The following ZBTB11 variants were observed in gnomAD, a reference collection of about 807,000 sequenced individuals.
The protein encoded by ZBTB11 is zinc finger and BTB domain containing 11, also known as zinc finger and BTB domain-containing protein 11.
In ZBTB11, 68 loss-of-function variants were observed where a neutral mutation model predicts 113.1. The observed-to-expected ratio is 0.60, with a 90% CI of 0.49 to 0.74. The LOEUF is 0.74. ZBTB11 is among the 30% of genes least tolerant of loss of function. The pLI is 0.00. For synonymous variants in ZBTB11, 518 were observed against 452.6 expected, an observed-to-expected ratio of 1.14 and a Z score of -1.83; for missense variants, 1,104 against 1,279.4, an observed-to-expected ratio of 0.86 and a Z score of 2.09.
In ZBTB11 at chr3:101,671,967, G is replaced by A. The variant is rs374771199; in HGVS notation, c.546+11C>T. 3 of 1,600,714 alleles carry A rather than the reference G, an allele frequency of 1.9e-6. No homozygotes were observed. The highest frequency in any genetic ancestry group is 3.3e-4 in the Middle Eastern group (2 of 6,052). On this transcript the variant is annotated intron_variant, in intron 2 of 10. Coordinates refer to ENST00000312938, the MANE Select transcript of ZBTB11 (RefSeq NM_014415.4). ...TACAAATCTTAAAGCTGACTGGAGA[G>A]TACCACTTACAAACACAAGTTCATG...
Position 101,651,516 on chromosome 3 carries a change from T to C in ZBTB11, c.2812A>G (p.Arg938Gly). The C allele has an allele frequency of 9.9e-6, 16 of 1,614,216 alleles. No individual in the cohort carries two copies. Among genetic ancestry groups the C allele is most frequent in the Non-Finnish European group, 1.3e-5 (15 of 1,180,038 alleles). The change falls in exon 11 of 11, where the codon AGA (arginine) becomes GGA (glycine). Residue 938 changes from arginine to glycine, a missense_variant. Physicochemically the swap from Arg to Gly is moderately radical, Grantham distance 125. Transcript: ENST00000312938. Reference sequence around the variant, plus strand: ...ATAATTTTGCAAGGCACATAGTCTCTGTGGAATTTAGTCATATGTTTACGG... The same window carrying C: ...ATAATTTTGCAAGGCACATAGTCTCCGTGGAATTTAGTCATATGTTTACGG... ...TLRKHMTKFH[R>G]DYVPCKIMLE...
At chr3:101,652,400 C>T (rs540220450) in intron 10 of ZBTB11, 96 bp downstream of exon 10, 2 of 1,265,706 alleles carry the variant, frequency 1.6e-6, no homozygotes, top group South Asian at 1.6e-5. Flanking sequence ...TGAAATTAAC[C>T]TTTTACCAAG....
chr3:101,664,337 CGGTATCAAGAGGAAGCAGA>C (rs1936943054), intron 5 of ZBTB11, among the ~76,000 whole-genome samples, 182 bp downstream of exon 5: 1 of 152,094 alleles, frequency 6.6e-6, no homozygotes, highest in Non-Finnish European at 1.5e-5. Context: ...TGTCTTACTA[CGGTATCAAGAGGAAGCAGA>C]GATAAGGCTA....
Position 101,671,300 on chromosome 3 carries a change from T to C in ZBTB11, c.608A>G (p.Gln203Arg), listed in dbSNP as rs752283318. The C allele has an allele frequency of 5.0e-6, 8 of 1,614,090 alleles. No homozygotes were observed. The Admixed American group carries it at 5.0e-5, about 10-fold the overall frequency. ...SPKHCQAVLKQLNEQRLSNQF... is the reference protein window; with the variant it reads ...SPKHCQAVLKRLNEQRLSNQF... ...GTTGGAAAGTCTCTGTTCGTTCAGC[T>C]GTTTTAAGACAGCCTGACAATGTTT... The change falls in exon 3 of 11, where the codon CAG (glutamine) becomes CGG (arginine). Residue 203 changes from glutamine to arginine, a missense_variant. By Grantham distance (43) the Gln-to-Arg change is conservative (BLOSUM62 1). Around this residue, in one of 5 missense-constraint regions of ZBTB11, gnomAD observed 245 missense variants for 272.5 expected, o/e 0.90. Transcript: ENST00000312938.
chr3:101,658,227 ATTTTTTT>A (rs200382292), intron 6 of ZBTB11, among the ~76,000 whole-genome samples: 3 of 143,402 alleles, frequency 2.1e-5, no homozygotes, highest in Non-Finnish European at 4.6e-5. Context: ...TTAAAAATTA[ATTTTTTT>A]TTTTTTTTTG....
chr3:101,676,500 G>A lies in ZBTB11; in HGVS notation c.310+105C>T, dbSNP rs1006283783. On this transcript the variant is annotated intron_variant, in intron 1 of 10. Transcript: ENST00000312938. The stretch of plus-strand genomic sequence containing the variant: ...CCTGGCAGCAGCTCCGCCGCCCAGA[G>A]GCGTCCGAGACCCTCCGACTCGTGG... The A allele has an allele frequency of 9.1e-6, 11 of 1,212,932 alleles. No individual in the cohort carries two copies. In the African/African-American group the frequency reaches 1.1e-4, roughly 12 times the overall value. The allele number at this position is 1,212,932 out of a possible 1,614,324, so 75.1% of individuals were successfully genotyped here.
intron 1 of ZBTB11, among the ~76,000 whole-genome samples, chr3:101,674,620 A>C (rs1937133085): frequency 6.6e-6 from 1 of 150,640 alleles, no homozygotes; most frequent in Non-Finnish European, 1.5e-5. Context: ...GAATCGCTTG[A>C]ACCCGGGAGG....
chr3:101,671,075 C>T (rs1457248963), intron 3 of ZBTB11, 55 bp downstream of exon 3: 1 of 1,435,598 alleles, frequency 7.0e-7, no homozygotes, highest in Non-Finnish European at 9.7e-7. Flanking sequence ...ATACATATCC[C>T]CCTCTTCTAG....
intron 1 of ZBTB11, 173 bp downstream of exon 1, chr3:101,676,431 TG>T: frequency 1.6e-6 from 1 of 613,468 alleles, no homozygotes; most frequent in Non-Finnish European, 2.5e-6. Context: ...CTCCTTCCTG[TG>T]GGAAGTGCGG....
chr3:101,676,586 G>A lies in ZBTB11; in HGVS notation c.310+19C>T, dbSNP rs771377961. 3 of 1,465,496 alleles carry A rather than the reference G, an allele frequency of 2.0e-6. No homozygotes were observed. The highest frequency in any genetic ancestry group is 2.7e-6 in the Non-Finnish European group (3 of 1,108,780). 90.8% of individuals were successfully genotyped at this position (1,465,496 alleles called of 1,614,324 possible). On this transcript the variant is annotated intron_variant, in intron 1 of 10. Coordinates refer to ENST00000312938, the MANE Select transcript of ZBTB11 (RefSeq NM_014415.4). The stretch of plus-strand genomic sequence containing the variant: ...CAACGAGTCGCCAGCCCGCCCCCTC[G>A]CCGCGGGCTAGGTCTCACCTCGCCA...
Position 101,649,341 on chromosome 3 carries a change from G to A in ZBTB11, c.*1825C>T, listed in dbSNP as rs926816296. 2 of 152,096 alleles carry A rather than the reference G, an allele frequency of 1.3e-5. No individual in the cohort carries two copies. The highest frequency in any genetic ancestry group is 4.8e-5 in the African/African-American group (2 of 41,416). 9.4% of individuals were successfully genotyped at this position (152,096 alleles called of 1,614,324 possible). ...GTTCCTCCAATCGTTATTTTTTAGT[G>A]TTTTATTTCCTTTCCCTTTAAAAAT... is the stretch of plus-strand genomic sequence containing the variant. On this transcript the variant is annotated 3_prime_UTR_variant, in exon 11 of 11. Transcript: ENST00000312938.
chr3:101,675,177 T>C (rs959661163), intron 1 of ZBTB11, among the ~76,000 whole-genome samples: 3 of 152,266 alleles, frequency 2.0e-5, no homozygotes, highest in African/African-American at 7.2e-5. Flanking sequence ...TAGTTACAAT[T>C]ATCATCTTTA....
rs142885054 is a variant in ZBTB11, at chr3:101,657,896, G to A, written c.2047-1648C>T. Among the ~76,000 whole-genome samples the A allele has an allele frequency of 1.4e-3, 210 of 152,166 alleles. 1 individual carries two copies. The highest frequency in any genetic ancestry group is 4.8e-3 in the African/African-American group (198 of 41,520). ...CATACACCTGAAGTCCTAGCTACTCGGGTAGCTGATGCAGGAGGATTGCTT... is the reference window on the plus strand; with the variant it reads ...CATACACCTGAAGTCCTAGCTACTCAGGTAGCTGATGCAGGAGGATTGCTT... On this transcript the variant is annotated intron_variant, in intron 6 of 10. Coordinates refer to ENST00000312938, the MANE Select transcript of ZBTB11 (RefSeq NM_014415.4).
chr3:101,649,022 C>T lies in ZBTB11; in HGVS notation c.*2144G>A, dbSNP rs1462454400. 1 of 152,244 alleles carries T rather than the reference C, an allele frequency of 6.6e-6. No individual in the cohort carries two copies. Among genetic ancestry groups the T allele is most frequent in the African/African-American group, 2.4e-5 (1 of 41,438 alleles). The allele number at this position is 152,244 out of a possible 1,614,324, so 9.4% of individuals were successfully genotyped here. On this transcript the variant is annotated 3_prime_UTR_variant, in exon 11 of 11. Transcript: ENST00000312938. Reference sequence around the variant, plus strand: ...GGGGATGGAGTGGGAAGATGATCTCCTCTCCAACCGTCCCCAGCTGAACTC... The same window carrying T: ...GGGGATGGAGTGGGAAGATGATCTCTTCTCCAACCGTCCCCAGCTGAACTC...
intron 5 of ZBTB11, among the ~76,000 whole-genome samples, chr3:101,661,574 GC>G (rs746052121): frequency 3.9e-4 from 60 of 152,294 alleles, no homozygotes; most frequent in Admixed American, 1.8e-3. Flanking sequence ...ACATGGTGTG[GC>G]TTTGTCTTCT....
rs1274540733 is a variant in ZBTB11, at chr3:101,650,726, CAG to C, written c.*438_*439del. ...TAGAATTTTCTTTTTAATCCATAAA[CAG>C]GGCAAATAAATCACAGAATCTCTAT... On this transcript the variant is annotated 3_prime_UTR_variant, in exon 11 of 11. Coordinates refer to ENST00000312938, the MANE Select transcript of ZBTB11 (RefSeq NM_014415.4). The C allele has an allele frequency of 6.5e-6, 1 of 153,004 alleles. No individual in the cohort carries two copies. The highest frequency in any genetic ancestry group is 6.5e-5 in the Admixed American group (1 of 15,360). The allele number at this position is 153,004 out of a possible 1,614,324, so 9.5% of individuals were successfully genotyped here.
In ZBTB11 at chr3:101,664,419, A is replaced by G. The variant is rs112515826; in HGVS notation, c.1800+119T>C. The G allele has an allele frequency of 8.4e-5, 82 of 978,932 alleles. 1 individual carries two copies. The African/African-American group carries it at 1.1e-3, about 13-fold the overall frequency. The allele number at this position is 978,932 out of a possible 1,614,324, so 60.6% of individuals were successfully genotyped here. On this transcript the variant is annotated intron_variant, in intron 5 of 10. Transcript: ENST00000312938. ...TAAATGACATGCACATTTAAATAAG[A>G]AGATGACTCTTATAGCCATATAAGA...
intron 5 of ZBTB11, 86 bp downstream of exon 5, chr3:101,664,452 T>TACA: frequency 7.5e-7 from 1 of 1,334,448 alleles, no homozygotes. Context: ...AGACATAGAA[T>TACA]ACAAGCGAAA....
intron 1 of ZBTB11, 176 bp downstream of exon 1, chr3:101,676,429 T>G (rs921959980): frequency 8.1e-6 from 5 of 618,614 alleles, no homozygotes; most frequent in African/African-American, 3.9e-5. Flanking sequence ...GCCTCCTTCC[T>G]GTGGGAAGTG....
Sources: allele counts gnomAD v4.1 joint callset (sites outside exome capture counted in the v4.1 genomes callset), GRCh38; gene constraint gnomAD v4.1.1; regional missense constraint gnomAD v4.1.1; transcripts MANE v1.5; gene names NCBI Gene and HGNC (gene_info 2026-07-23, HGNC 2026-07-21).